PRDM11: variants seen among roughly 807,000 people sequenced by gnomAD.
PRDM11 encodes PR/SET domain 11, also known as PR domain-containing protein 11.
Under a neutral mutation model 97.8 loss-of-function variants are expected in PRDM11, and 20 were observed. That is an observed-to-expected ratio of 0.20 (90% CI 0.14 to 0.30). The LOEUF (loss-of-function observed/expected upper bound fraction) is 0.30. Ranked by LOEUF, PRDM11 falls within the 10% of genes least tolerant of loss-of-function variation. The pLI is 1.00. For synonymous variants in PRDM11, 599 were observed against 637.7 expected, an observed-to-expected ratio of 0.94 and a Z score of 0.91; for missense variants, 1,139 against 1,555.2, an observed-to-expected ratio of 0.73 and a Z score of 4.50.
At chr11:45,193,708 C>T (rs202092994) in intron 4 of PRDM11, among the ~76,000 whole-genome samples, 1 of 151,306 alleles carries the variant, frequency 6.6e-6, no homozygotes, top group African/African-American at 2.4e-5. Context: ...AATTAGCCCA[C>T]AAGCCGTAGT....
rs750876126 is a variant in PRDM11 at position 45,224,832 on chromosome 11, C to T, written c.1358C>T (p.Ser453Leu). The T allele has an allele frequency of 2.4e-5, 38 of 1,613,842 alleles. No homozygotes were observed. The highest frequency in any genetic ancestry group is 4.0e-5 in the African/African-American group (3 of 74,910). The change falls in exon 7 of 8, where the codon TCG (serine) becomes TTG (leucine). Residue 453 changes from serine (S) to leucine (L), a missense_variant. Physicochemically the swap from Ser to Leu is moderately radical, Grantham distance 145. Coordinates refer to ENST00000683152, the MANE Select transcript of PRDM11 (RefSeq NM_001384648.1). The part of the protein sequence containing the change: ...PPQVLELPEF[S>L]DPAASESMVS... The stretch of plus-strand genomic sequence containing the variant: ...CAGGTACTGGAGCTCCCAGAGTTCT[C>T]GGACCCTGCAGGTAAGTTGGTTTGG...
chr11:45,172,898 C>A (rs1352768861), intron 1 of PRDM11, among the ~76,000 whole-genome samples: 1 of 152,208 alleles, frequency 6.6e-6, no homozygotes, highest in Admixed American at 6.5e-5. Flanking sequence ...ACCACCCTGT[C>A]CCCCTGCTCT....
chr11:45,187,392 T>A (rs1852744060), intron 4 of PRDM11, among the ~76,000 whole-genome samples: 1 of 152,194 alleles, frequency 6.6e-6, no homozygotes, highest in South Asian at 2.1e-4. Context: ...CTGCAGCTGC[T>A]AGAGTCTGTA....
intron 1 of PRDM11, among the ~76,000 whole-genome samples, chr11:45,138,506 T>C (rs1048384962): frequency 6.6e-6 from 1 of 152,208 alleles, no homozygotes; most frequent in Non-Finnish European, 1.5e-5. Context: ...AAGTTGAGGC[T>C]GCAGGGAGCC....
At chr11:45,202,245 G>A (rs1053131914) in intron 4 of PRDM11, among the ~76,000 whole-genome samples, 10 of 152,226 alleles carry the variant, frequency 6.6e-5, no homozygotes, top group African/African-American at 1.9e-4. Flanking sequence ...GGGCAGCCAC[G>A]TGCTTTGCAC....
chr11:45,163,750 C>T lies in PRDM11; in HGVS notation c.-7+16873C>T, dbSNP rs550351258. Among the ~76,000 whole-genome samples the T allele has an allele frequency of 7.9e-5, 12 of 152,312 alleles. No individual in the cohort carries two copies. The East Asian group carries it at 1.2e-3, about 15-fold the overall frequency. On this transcript the variant is annotated intron_variant, in intron 1 of 7. Transcript: ENST00000683152. ...AGCTTGCTGATACCTGTTATTCTGTCCCTCCCATAAGAAGGAGCTGCAGAC... is the reference window on the plus strand; with the variant it reads ...AGCTTGCTGATACCTGTTATTCTGTTCCTCCCATAAGAAGGAGCTGCAGAC...
rs760294482 is a variant in PRDM11 at position 45,224,462 on chromosome 11, G to T, written c.988G>T (p.Val330Phe). The T allele has an allele frequency of 2.5e-5, 40 of 1,614,064 alleles. No homozygotes were observed. The highest frequency in any genetic ancestry group is 6.7e-5 in the East Asian group (3 of 44,886). The change falls in exon 7 of 8, where the codon GTC (valine) becomes TTC (phenylalanine). Residue 330 changes from valine (V) to phenylalanine (F), a missense_variant. Physicochemically the swap from Val to Phe is conservative, Grantham distance 50. Around this residue, in one of 2 missense-constraint regions of PRDM11, gnomAD observed 429 missense variants for 510.3 expected, o/e 0.84. Coordinates refer to ENST00000683152, the MANE Select transcript of PRDM11 (RefSeq NM_001384648.1). ...CCAGTTGGCCCTGAGCACCTCACTG[G>T]TCATCAGGAAAGTCCCCAAATACCA... ...AHQLALSTSLVIRKVPKYQDD... is the reference protein window; with the variant it reads ...AHQLALSTSLFIRKVPKYQDD...
Position 45,226,378 on chromosome 11 carries a change from ATGTGT to A in PRDM11, c.1754_1758del (p.Met585ThrfsTer34), listed in dbSNP as rs754539461. 6.5e-7 allele frequency: 1 copy of A among 1,533,922 alleles called. No homozygotes were observed. On this transcript the variant is annotated frameshift_variant, in exon 8 of 8. Transcript: ENST00000683152. LOFTEE classifies it high-confidence loss of function. ...CATGCACCCGGAGAAGACAGAGGAG[ATGTGT>A]CGCAACATGACCCTGCTCTTCAACA...
At chr11:45,193,957 G>A (rs759835413) in intron 4 of PRDM11, among the ~76,000 whole-genome samples, 24 of 152,216 alleles carry the variant, frequency 1.6e-4, no homozygotes, top group Non-Finnish European at 2.4e-4. Flanking sequence ...GAAGGAGCAA[G>A]GGCTCCCTGG....
At chr11:45,201,703 C>T (rs1484704335) in intron 4 of PRDM11, among the ~76,000 whole-genome samples, 1 of 152,140 alleles carries the variant, frequency 6.6e-6, no homozygotes, top group Non-Finnish European at 1.5e-5. Flanking sequence ...CGCAGTGGCT[C>T]ATGCCTGTAA....
chr11:45,175,088 C>T (rs570499986), intron 1 of PRDM11, among the ~76,000 whole-genome samples: 28 of 152,304 alleles, frequency 1.8e-4, no homozygotes, highest in Middle Eastern at 3.4e-3. Context: ...TATTAACATC[C>T]CACACCAAAG....
chr11:45,148,454 C>T (rs141008016), intron 1 of PRDM11, among the ~76,000 whole-genome samples: 15 of 152,300 alleles, frequency 9.8e-5, no homozygotes, highest in South Asian at 4.1e-4. Flanking sequence ...AGGTACTGAC[C>T]TGGGAATATC....
intron 7 of PRDM11, among the ~76,000 whole-genome samples, chr11:45,225,575 A>G (rs2135855476): frequency 6.6e-6 from 1 of 152,342 alleles, no homozygotes; most frequent in East Asian, 1.9e-4. Context: ...GCCATATCCA[A>G]GATGCCTTTG....
chr11:45,161,575 C>A (rs1414721345), intron 1 of PRDM11, among the ~76,000 whole-genome samples: 1 of 152,252 alleles, frequency 6.6e-6, no homozygotes, highest in African/African-American at 2.4e-5. Flanking sequence ...CGGATTTGAT[C>A]TCCCTTGGCC....
chr11:45,183,278 C>T (rs2135740464), intron 4 of PRDM11, among the ~76,000 whole-genome samples, 155 bp downstream of exon 4: 1 of 152,316 alleles, frequency 6.6e-6, no homozygotes, highest in South Asian at 2.1e-4. Flanking sequence ...CTGGCCCCGG[C>T]TGAGTGGCTG....
Position 45,219,866 on chromosome 11 carries a change from C to T in PRDM11, c.742+109C>T. ...AATACGGTTCCCAGCAATGGGAAGACCCAGAGTGATTCGGGGGAACAGATG... is the reference window on the plus strand; with the variant it reads ...AATACGGTTCCCAGCAATGGGAAGATCCAGAGTGATTCGGGGGAACAGATG... On this transcript the variant is annotated intron_variant, in intron 6 of 7. Coordinates refer to ENST00000683152, the MANE Select transcript of PRDM11 (RefSeq NM_001384648.1). This position sits in a 1 kb window ranked among gnomAD's most constrained non-coding sequence, Gnocchi z 4.2. 1 of 1,288,914 alleles carries T rather than the reference C, an allele frequency of 7.8e-7. No individual in the cohort carries two copies. The highest frequency in any genetic ancestry group is 1.5e-5 in the South Asian group (1 of 66,676). The allele number at this position is 1,288,914 out of a possible 1,614,324, so 79.8% of individuals were successfully genotyped here.
At chr11:45,139,678 A>C (rs1852957018) in intron 1 of PRDM11, among the ~76,000 whole-genome samples, 1 of 152,182 alleles carries the variant, frequency 6.6e-6, no homozygotes, top group Admixed American at 6.5e-5. Context: ...CCAGAGAAGC[A>C]AACAAAAGAT....
intron 5 of PRDM11, chr11:45,214,053 G>T (rs1019848680): frequency 7.4e-6 from 2 of 269,438 alleles, no homozygotes; most frequent in African/African-American, 2.2e-5. Flanking sequence ...GTGGCTTGGA[G>T]AGGCAGGGCC....
chr11:45,197,557 T>C (rs1220847825), intron 4 of PRDM11, among the ~76,000 whole-genome samples: 1 of 152,202 alleles, frequency 6.6e-6, no homozygotes, highest in African/African-American at 2.4e-5. Context: ...TGGATATGTT[T>C]ATATCATAGT....
Sources: gnomAD v4.1 joint callset for allele counts (sites outside exome capture counted in the v4.1 genomes callset) on GRCh38, gnomAD v4.1.1 for gene constraint, gnomAD v4.1.1 regional missense constraint, Gnocchi (gnomAD v3.1) non-coding constraint, MANE v1.5 for transcripts, NCBI Gene and HGNC (gene_info 2026-07-23, HGNC 2026-07-21) for gene names.